The following NPAS3 variants were observed in gnomAD, a reference collection of about 807,000 sequenced individuals.
NPAS3 encodes the protein neuronal PAS domain protein 3, also known as neuronal PAS domain-containing protein 3.
NPAS3 carries 14 observed loss-of-function variants against 73.1 expected under a neutral mutation model. That is an observed-to-expected ratio of 0.19 (90% CI 0.13 to 0.30). The LOEUF (loss-of-function observed/expected upper bound fraction) is 0.30. Ranked by LOEUF, NPAS3 falls within the 10% of genes least tolerant of loss-of-function variation. The probability of loss-of-function intolerance (pLI) is 1.00; values close to 1 mark genes in which losing one functional copy is unlikely to be tolerated. For missense variants in NPAS3, 1,096 were observed against 1,250.0 expected (o/e 0.88, Z 1.86); for synonymous variants, 620 against 541.5 (o/e 1.14, Z -2.01).
intron 6 of NPAS3, among the ~76,000 whole-genome samples, chr14:33,688,277 TCTC>T (rs1187739036): frequency 6.6e-6 from 1 of 152,224 alleles, no homozygotes; most frequent in Non-Finnish European, 1.5e-5. Flanking sequence ...TAGCACGTGT[TCTC>T]ACTGGAAATT....
chr14:33,022,441 G>C (rs2039632988), intron 1 of NPAS3, among the ~76,000 whole-genome samples: 1 of 152,104 alleles, frequency 6.6e-6, no homozygotes, highest in Non-Finnish European at 1.5e-5. Flanking sequence ...GAGGCGGGCG[G>C]ATCACGAGGT....
At chr14:33,676,307 G>A (rs147316640) in exon 6 of NPAS3, 6 of 1,612,858 alleles carry the variant, frequency 3.7e-6, no homozygotes, top group Non-Finnish European at 5.1e-6. Context: ...CCCTGGGCGG[G>A]GTCTCCTGTC....
intron 4 of NPAS3, among the ~76,000 whole-genome samples, chr14:33,437,755 GTAT>G (rs2049052833): frequency 6.6e-6 from 1 of 152,190 alleles, no homozygotes; most frequent in South Asian, 2.1e-4. Flanking sequence ...TTATGGACTA[GTAT>G]ATTCACATAG....
chr14:33,235,428 A>G (rs1322420161), intron 3 of NPAS3, among the ~76,000 whole-genome samples: 3 of 152,044 alleles, frequency 2.0e-5, no homozygotes, highest in African/African-American at 7.2e-5. Flanking sequence ...CAGGTTAAGC[A>G]TAATGTAGGT....
chr14:33,235,456 G>A (rs1156258007), intron 3 of NPAS3, among the ~76,000 whole-genome samples: 1 of 151,998 alleles, frequency 6.6e-6, no homozygotes, highest in Non-Finnish European at 1.5e-5. Flanking sequence ...ACTGTGGTAA[G>A]AGTGAAATCA....
At chr14:33,181,242 G>A (rs2045788253) in intron 2 of NPAS3, among the ~76,000 whole-genome samples, 1 of 152,170 alleles carries the variant, frequency 6.6e-6, no homozygotes, top group South Asian at 2.1e-4. Context: ...GTGCAGTTGT[G>A]TATATTTGTG....
chr14:33,638,193 T>C (rs2058578526), intron 5 of NPAS3, among the ~76,000 whole-genome samples: 1 of 152,244 alleles, frequency 6.6e-6, no homozygotes. Context: ...AAATTTTTCC[T>C]TTTTATATTA....
At chr14:33,485,116 C>A (rs2051519490) in intron 4 of NPAS3, among the ~76,000 whole-genome samples, 1 of 152,152 alleles carries the variant, frequency 6.6e-6, no homozygotes, top group Admixed American at 6.5e-5. Flanking sequence ...TCCCAAGACT[C>A]ATGCTAGCTT....
At chr14:33,154,963 A>G (rs573290286) in intron 2 of NPAS3, among the ~76,000 whole-genome samples, 2 of 152,206 alleles carry the variant, frequency 1.3e-5, no homozygotes, top group Non-Finnish European at 2.9e-5. Context: ...ATAAATATTT[A>G]TGGACACTGC....
chr14:33,436,831 G>A (rs1232466494), intron 4 of NPAS3, among the ~76,000 whole-genome samples: 1 of 152,212 alleles, frequency 6.6e-6, no homozygotes, highest in East Asian at 1.9e-4. Flanking sequence ...CTTGCAACTA[G>A]TTAGAAATCT....
At chr14:33,599,955 T>A (rs1419234443) in intron 5 of NPAS3, among the ~76,000 whole-genome samples, 1 of 152,204 alleles carries the variant, frequency 6.6e-6, no homozygotes, top group Non-Finnish European at 1.5e-5. Flanking sequence ...AAGTGTAGAA[T>A]ATCTGGATAC....
intron 7 of NPAS3, among the ~76,000 whole-genome samples, chr14:33,742,990 C>G (rs976127713): frequency 6.7e-6 from 1 of 150,288 alleles, no homozygotes; most frequent in South Asian, 2.1e-4. Flanking sequence ...TTCTAATTCT[C>G]TTGCCATTTC....
At chr14:33,085,292 C>G (rs985917854) in intron 2 of NPAS3, among the ~76,000 whole-genome samples, 5 of 152,324 alleles carry the variant, frequency 3.3e-5, no homozygotes, top group African/African-American at 1.2e-4. Flanking sequence ...TAGTCCACTT[C>G]ACCTGTTTGG....
At chr14:33,107,126 G>A (rs1159920831) in intron 2 of NPAS3, among the ~76,000 whole-genome samples, 1 of 144,726 alleles carries the variant, frequency 6.9e-6, no homozygotes, top group African/African-American at 2.8e-5. Context: ...CCCTTCTCTT[G>A]AGCTGAACTC....
At chr14:33,748,293 GGATAA>G (rs2061863418) in intron 7 of NPAS3, among the ~76,000 whole-genome samples, 1 of 152,212 alleles carries the variant, frequency 6.6e-6, no homozygotes, top group Middle Eastern at 3.4e-3. Flanking sequence ...CTGATGATAA[GGATAA>G]GATGATACTA....
At chr14:33,117,419 C>T (rs17539398) in intron 2 of NPAS3, among the ~76,000 whole-genome samples, 7,610 of 152,166 alleles carry the variant, frequency 0.05, 270 homozygotes, top group Admixed American at 0.089. Context: ...TAGTAAGTAT[C>T]TACTCTCATG....
intron 5 of NPAS3, among the ~76,000 whole-genome samples, chr14:33,645,552 A>C (rs918956419): frequency 3.9e-5 from 6 of 152,242 alleles, no homozygotes; most frequent in Admixed American, 3.9e-4. Context: ...AAGTATCTGC[A>C]TAAAAGCAGC....
upstream of NPAS3, chr14:32,939,251 C>A (rs1244554191): frequency 7.6e-6 from 5 of 656,408 alleles, no homozygotes; most frequent in Non-Finnish European, 1.3e-5. Context: ...CCCCGCCCGC[C>A]CACGCCCCCC....
chr14:33,079,552 C>T (rs1193118905), intron 2 of NPAS3, among the ~76,000 whole-genome samples: 2 of 143,202 alleles, frequency 1.4e-5, no homozygotes, highest in South Asian at 4.7e-4. Context: ...TCCTAACCTC[C>T]AGTAATTCAC....
Sources: gnomAD v4.1 joint callset for allele counts (sites outside exome capture counted in the v4.1 genomes callset) on GRCh38, gnomAD v4.1.1 for gene constraint, MANE v1.5 for transcripts, NCBI Gene and HGNC (gene_info 2026-07-23, HGNC 2026-07-21) for gene names.